MFN1: variants seen among roughly 807,000 people sequenced by gnomAD.
MFN1 encodes the protein mitofusin 1.
Under a neutral mutation model 92.4 loss-of-function variants are expected in MFN1, and 65 were observed. The observed-to-expected ratio is 0.70, with a 90% CI of 0.58 to 0.86. The LOEUF is 0.86. Among genes scored for constraint, MFN1 ranks in the 40% least tolerant of loss-of-function variants. The pLI, the probability that MFN1 is intolerant of heterozygous loss-of-function variation, is 0.00. For missense variants in MFN1, 781 were observed against 868.0 expected, an observed-to-expected ratio of 0.90 and a Z score of 1.26; for synonymous variants, 297 against 300.9, an observed-to-expected ratio of 0.99 and a Z score of 0.13.
intron 10 of MFN1, 36 bp downstream of exon 10, chr3:179,375,377 G>GTT (rs772706439): frequency 6.2e-7 from 1 of 1,603,214 alleles, no homozygotes. Context: ...AAAAATGTTA[G>GTT]TTTTTTTGTC....
intron 14 of MFN1, among the ~76,000 whole-genome samples, chr3:179,381,314 A>C (rs191045387): frequency 6.6e-5 from 10 of 152,352 alleles, no homozygotes; most frequent in African/African-American, 2.2e-4. Flanking sequence ...ACAATGTCTT[A>C]TTATGCCGAG....
intron 3 of MFN1, among the ~76,000 whole-genome samples, chr3:179,356,170 A>T (rs904176383): frequency 2.6e-5 from 4 of 152,210 alleles, no homozygotes; most frequent in Non-Finnish European, 5.9e-5. Flanking sequence ...GTGCCTAGAT[A>T]ACCTCAGAGG....
intron 4 of MFN1, among the ~76,000 whole-genome samples, chr3:179,360,063 G>A (rs1432643128): frequency 6.6e-6 from 1 of 151,930 alleles, no homozygotes; most frequent in East Asian, 1.9e-4. Context: ...TTACAGGCAT[G>A]CACCACCACA....
At position 179,367,539 on chromosome 3, in the gene MFN1, C is replaced by G; in HGVS notation, c.854C>G (p.Ala285Gly). The change falls in exon 8 of 18, where the codon GCA (alanine) becomes GGA (glycine). Residue 285 changes from alanine to glycine, a missense_variant. Ala to Gly is a moderately conservative substitution (Grantham distance 60). Coordinates refer to ENST00000471841, the MANE Select transcript of MFN1 (RefSeq NM_033540.3). ...CAGAATCGTATCTTCTTTGTTTCAG[C>G]AAAGGAAGTTCTTAGTGCTAGAAAG... Reference protein sequence around the residue: ...EAQNRIFFVSAKEVLSARKQK... With the variant: ...EAQNRIFFVSGKEVLSARKQK... 6.2e-7 allele frequency: 1 copy of G among 1,613,512 alleles called. No individual in the cohort carries two copies. Among genetic ancestry groups the G allele is most frequent in the Middle Eastern group, 1.7e-4 (1 of 6,058 alleles).
chr3:179,388,780 C>T (rs1577018017), intron 16 of MFN1, among the ~76,000 whole-genome samples: 1 of 152,122 alleles, frequency 6.6e-6, no homozygotes, highest in Admixed American at 6.5e-5. Flanking sequence ...ATGGAGACAA[C>T]AACCCAAATC....
intron 17 of MFN1, among the ~76,000 whole-genome samples, chr3:179,391,520 C>G (rs1434253940): frequency 6.6e-6 from 1 of 152,100 alleles, no homozygotes; most frequent in African/African-American, 2.4e-5. Context: ...GAAGCATATG[C>G]ACACAGGAAT....
At chr3:179,369,476 A>C (rs1712936133) in intron 9 of MFN1, among the ~76,000 whole-genome samples, 1 of 152,202 alleles carries the variant, frequency 6.6e-6, no homozygotes, top group South Asian at 2.1e-4. Flanking sequence ...TAAATTATAC[A>C]TTTATATAAT....
In MFN1 at chr3:179,377,414, A is replaced by G; in HGVS notation, c.1295A>G (p.His432Arg). 6.2e-7 allele frequency: 1 copy of G among 1,604,840 alleles called. No individual in the cohort carries two copies. Among genetic ancestry groups the G allele is most frequent in the Non-Finnish European group, 8.5e-7 (1 of 1,174,192 alleles). ...GTTGATGAATTTTGTTCAGAGTTTCATCCTAATCCAGATGTATTAAAAATA... is the reference window on the plus strand; with the variant it reads ...GTTGATGAATTTTGTTCAGAGTTTCGTCCTAATCCAGATGTATTAAAAATA... ...VLVDEFCSEF[H>R]PNPDVLKIYK... is the part of the protein sequence containing the mutation. The change falls in exon 12 of 18, where the codon CAT (histidine) becomes CGT (arginine). Residue 432 changes from histidine to arginine, a missense_variant. Transcript: ENST00000471841.
rs1713642484 is a variant in MFN1 at position 179,385,462 on chromosome 3, G to A, written c.1663-107G>A. 11 of 946,652 alleles carry A rather than the reference G, an allele frequency of 1.2e-5. No individual in the cohort carries two copies. In the South Asian group the frequency reaches 2.1e-4, roughly 18 times the overall value. The allele number at this position is 946,652 out of a possible 1,614,324, so 58.6% of individuals were successfully genotyped here. A position where few individuals can be genotyped will look rare whatever the true frequency, so the allele number is the denominator to read the frequency against. ...TATTTGTGGTGTACTCATCATTTAG[G>A]GTAATTTTTCCCTCATAGATGTGCT... On this transcript the variant is annotated intron_variant, in intron 14 of 17. Transcript: ENST00000471841.
intron 3 of MFN1, among the ~76,000 whole-genome samples, chr3:179,355,734 C>T (rs921006142): frequency 6.6e-6 from 1 of 151,908 alleles, no homozygotes; most frequent in African/African-American, 2.4e-5. Flanking sequence ...GGTGGATCAC[C>T]TGAGGTCAGG....
At chr3:179,386,021 G>A (rs1713673433) in intron 15 of MFN1, among the ~76,000 whole-genome samples, 1 of 152,064 alleles carries the variant, frequency 6.6e-6, no homozygotes, top group African/African-American at 2.4e-5. Flanking sequence ...AAAACCCCAG[G>A]TGCCCTATCT....
chr3:179,393,665 G>T lies in MFN1; in HGVS notation c.*1606G>T, dbSNP rs910247576. 1 of 152,204 alleles carries T rather than the reference G, an allele frequency of 6.6e-6. No individual in the cohort carries two copies. Among genetic ancestry groups the T allele is most frequent in the African/African-American group, 2.4e-5 (1 of 41,454 alleles). The allele number at this position is 152,204 out of a possible 1,614,324, so 9.4% of individuals were successfully genotyped here. Reference sequence around the variant, plus strand: ...AACCCAAGAAATGGTACAGACCACAGTAAGTGGGATTAGGTAACAACTACA... The same window carrying T: ...AACCCAAGAAATGGTACAGACCACATTAAGTGGGATTAGGTAACAACTACA... On this transcript the variant is annotated 3_prime_UTR_variant, in exon 18 of 18. Transcript: ENST00000471841.
intron 17 of MFN1, among the ~76,000 whole-genome samples, chr3:179,391,571 G>C (rs1244387147): frequency 6.6e-6 from 1 of 152,190 alleles, no homozygotes; most frequent in Non-Finnish European, 1.5e-5. Flanking sequence ...TGGAGAGAGA[G>C]AGCCCACTCA....
At chr3:179,389,018 T>G (rs1406325909) in intron 16 of MFN1, among the ~76,000 whole-genome samples, 1 of 152,202 alleles carries the variant, frequency 6.6e-6, no homozygotes, top group Non-Finnish European at 1.5e-5. Context: ...TTGAAATTGT[T>G]TAGACTCAAG....
intron 14 of MFN1, among the ~76,000 whole-genome samples, chr3:179,383,174 T>C (rs1426658337): frequency 1.3e-5 from 2 of 152,174 alleles, no homozygotes; most frequent in African/African-American, 2.4e-5. Context: ...ATTGCCTAGG[T>C]TTTCTTCTAG....
Position 179,362,367 on chromosome 3 carries a change from C to G in MFN1, c.421C>G (p.Gln141Glu), listed in dbSNP as rs1560192337. Residue 141 changes from glutamine (Q) to glutamate (E), a missense_variant, in exon 5 of 18, where the codon CAA becomes GAA. Physicochemically the swap from Gln to Glu is conservative, Grantham distance 29 (BLOSUM62 2). Transcript: ENST00000471841. ...TTTCCTCCTGCTTTAGACAGTTAATCAACTGGCCCATGCCCTTCACATGGA... is the reference window on the plus strand; with the variant it reads ...TTTCCTCCTGCTTTAGACAGTTAATGAACTGGCCCATGCCCTTCACATGGA... ...DEKKSVKTVN[Q>E]LAHALHMDKD... 6 of 1,607,880 alleles carry G rather than the reference C, an allele frequency of 3.7e-6. No individual in the cohort carries two copies. Among genetic ancestry groups the G allele is most frequent in the African/African-American group, 1.3e-5 (1 of 74,832 alleles).
intron 3 of MFN1, 41 bp from the exon 4 acceptor site, chr3:179,358,799 A>G (rs1712446126): frequency 6.4e-7 from 1 of 1,559,514 alleles, no homozygotes; most frequent in Admixed American, 1.9e-5. Flanking sequence ...TACTTTTTTT[A>G]CTGTTATGTT....
chr3:179,363,196 G>A (rs925655648), intron 5 of MFN1, among the ~76,000 whole-genome samples: 12 of 152,196 alleles, frequency 7.9e-5, no homozygotes, highest in East Asian at 7.7e-4. Flanking sequence ...CTCCCCCTCC[G>A]GGGTTCAAGC....
At chr3:179,382,463 G>C (rs561031129) in intron 14 of MFN1, among the ~76,000 whole-genome samples, 32 of 152,266 alleles carry the variant, frequency 2.1e-4, no homozygotes, top group Non-Finnish European at 3.5e-4. Context: ...TCTTAATCCA[G>C]TCTATCATTG....
Sources: gnomAD v4.1 joint callset for allele counts (sites outside exome capture counted in the v4.1 genomes callset) on GRCh38, gnomAD v4.1.1 for gene constraint, MANE v1.5 for transcripts, NCBI Gene and HGNC (gene_info 2026-07-23, HGNC 2026-07-21) for gene names.